MAPK8: variants seen among roughly 807,000 people sequenced by gnomAD.
MAPK8 encodes JUN N-terminal kinase.
Under a neutral mutation model 52.9 loss-of-function variants are expected in MAPK8, and 13 were observed. The observed-to-expected ratio is 0.25, with a 90% CI of 0.16 to 0.39. MAPK8 has a LOEUF of 0.39. MAPK8 is among the 10% of genes least tolerant of loss of function. The pLI is 1.00. For synonymous variants in MAPK8, 191 were observed against 169.8 expected (o/e 1.12, Z -0.97); for missense variants, 300 against 519.2 (o/e 0.58, Z 4.10).
At chr10:48,393,694 C>G (rs2041744800) in intron 1 of MAPK8, among the ~76,000 whole-genome samples, 1 of 151,962 alleles carries the variant, frequency 6.6e-6, no homozygotes, top group Non-Finnish European at 1.5e-5. Flanking sequence ...ATGAAGTTGT[C>G]AGATGAAGCT....
rs1381077578 is a variant in MAPK8, at chr10:48,435,042, T to C, written c.*13T>C. 2 of 420,660 alleles carry C rather than the reference T, an allele frequency of 4.8e-6. No individual in the cohort carries two copies. The highest frequency in any genetic ancestry group is 9.1e-6 in the Non-Finnish European group (2 of 220,562). The allele number at this position is 420,660 out of a possible 1,614,324, so 26.1% of individuals were successfully genotyped here. On this transcript the variant is annotated 3_prime_UTR_variant, in exon 12 of 12. Transcript: ENST00000374189. ...CTGCTGTAGATGACTACTTGGGCCA[T>C]CGGGGGGTGGGAGGGATGGGGAGTC...
At chr10:48,384,638 A>G (rs1564562549) in intron 1 of MAPK8, among the ~76,000 whole-genome samples, 1 of 152,200 alleles carries the variant, frequency 6.6e-6, no homozygotes, top group Non-Finnish European at 1.5e-5. Context: ...GACCTCTTCT[A>G]AAAAAGAAGG....
chr10:48,388,306 A>G (rs1476960124), intron 1 of MAPK8, among the ~76,000 whole-genome samples: 2 of 152,186 alleles, frequency 1.3e-5, no homozygotes, highest in African/African-American at 4.8e-5. Flanking sequence ...AAGTAGGTTT[A>G]TGATAAAACT....
chr10:48,403,773 G>T (rs1012277251), intron 2 of MAPK8, among the ~76,000 whole-genome samples: 1 of 151,410 alleles, frequency 6.6e-6, no homozygotes. Context: ...TTTTGAGACA[G>T]AGTCTCACTC....
intron 1 of MAPK8, among the ~76,000 whole-genome samples, chr10:48,323,721 T>C (rs1297852814): frequency 6.6e-6 from 1 of 152,226 alleles, no homozygotes; most frequent in East Asian, 1.9e-4. Context: ...TGGTATATCT[T>C]TAATAGCCCC....
intron 3 of MAPK8, 90 bp from the exon 4 acceptor site, chr10:48,409,789 T>C: frequency 1.2e-6 from 1 of 809,924 alleles, no homozygotes; most frequent in East Asian, 2.7e-5. Context: ...AAACTGATGG[T>C]AGTTTTTTTT....
At chr10:48,404,030 G>A (rs1238463467) in intron 2 of MAPK8, among the ~76,000 whole-genome samples, 3 of 150,812 alleles carry the variant, frequency 2.0e-5, no homozygotes, top group East Asian at 2.0e-4. Context: ...TGATCTACCC[G>A]CCTCGGCCTC....
At chr10:48,415,009 C>G (rs2133131342) in intron 5 of MAPK8, among the ~76,000 whole-genome samples, 1 of 152,142 alleles carries the variant, frequency 6.6e-6, no homozygotes, top group African/African-American at 2.4e-5. Context: ...ACAATTATGT[C>G]TTAGGGCTAT....
At chr10:48,399,346 G>T (rs1013920619) in intron 1 of MAPK8, among the ~76,000 whole-genome samples, 5 of 152,208 alleles carry the variant, frequency 3.3e-5, no homozygotes, top group African/African-American at 1.2e-4. Context: ...GTAGAGAGTT[G>T]TGTGTCTTCT....
At chr10:48,335,435 A>C (rs1293553076) in intron 1 of MAPK8, among the ~76,000 whole-genome samples, 1 of 152,182 alleles carries the variant, frequency 6.6e-6, no homozygotes, top group East Asian at 1.9e-4. Flanking sequence ...ATATAATATC[A>C]AAAAATTATT....
intron 1 of MAPK8, among the ~76,000 whole-genome samples, chr10:48,391,862 C>G (rs1357182318): frequency 6.6e-6 from 1 of 152,134 alleles, no homozygotes; most frequent in Non-Finnish European, 1.5e-5. Flanking sequence ...AGGGAAACAC[C>G]TTTACCAGTT....
rs73293532 is a variant in MAPK8, at chr10:48,434,441, G to A, written c.1139-443G>A. Among the ~76,000 whole-genome samples the A allele has an allele frequency of 3.5e-3, 534 of 152,304 alleles. 5 individuals carry two copies. Among genetic ancestry groups the A allele is most frequent in the African/African-American group, 0.012 (519 of 41,546 alleles). ...AATTTTTCCTTTTTAGTGAGAAGCT[G>A]TAAAGACTTTTTTGTAGGGAAGTAG... is the stretch of plus-strand genomic sequence containing the variant. On this transcript the variant is annotated intron_variant, in intron 11 of 11. Transcript: ENST00000374189.
chr10:48,394,619 C>T (rs1443321731), intron 1 of MAPK8, among the ~76,000 whole-genome samples: 1 of 151,832 alleles, frequency 6.6e-6, no homozygotes, highest in Admixed American at 6.6e-5. Context: ...CTAGTAAAAT[C>T]CTATAATATA....
chr10:48,351,760 G>A (rs937661559), intron 1 of MAPK8, among the ~76,000 whole-genome samples: 5 of 152,140 alleles, frequency 3.3e-5, no homozygotes, highest in Non-Finnish European at 7.4e-5. Flanking sequence ...TACAGGTTGA[G>A]TATCCTTCAT....
chr10:48,349,198 G>C (rs891740259), intron 1 of MAPK8, among the ~76,000 whole-genome samples: 1 of 152,120 alleles, frequency 6.6e-6, no homozygotes, highest in East Asian at 1.9e-4. Context: ...ATACCCAACT[G>C]TCAATATCAG....
intron 1 of MAPK8, among the ~76,000 whole-genome samples, chr10:48,329,901 G>A (rs1291721378): frequency 1.3e-5 from 2 of 152,158 alleles, no homozygotes; most frequent in East Asian, 1.9e-4. Context: ...ATTAACTACT[G>A]CTGATGAGAG....
intron 1 of MAPK8, among the ~76,000 whole-genome samples, chr10:48,356,308 T>TA (rs1846936113): frequency 6.6e-6 from 1 of 152,150 alleles, no homozygotes; most frequent in African/African-American, 2.4e-5. Context: ...AGTCTAAAGT[T>TA]AATCAGTATG....
At chr10:48,434,367 A>G (rs2044654747) in intron 11 of MAPK8, among the ~76,000 whole-genome samples, 1 of 152,178 alleles carries the variant, frequency 6.6e-6, no homozygotes, top group South Asian at 2.1e-4. Flanking sequence ...CATTTGCTTT[A>G]AAACAAGATG....
At chr10:48,342,236 T>C (rs1023907440) in intron 1 of MAPK8, among the ~76,000 whole-genome samples, 4 of 152,134 alleles carry the variant, frequency 2.6e-5, no homozygotes, top group Admixed American at 6.5e-5. Context: ...CCCAAGTATC[T>C]GGGACTACAG....
Sources: allele counts gnomAD v4.1 joint callset (sites outside exome capture counted in the v4.1 genomes callset), GRCh38; gene constraint gnomAD v4.1.1; transcripts MANE v1.5; gene names NCBI Gene and HGNC (gene_info 2026-07-23, HGNC 2026-07-21).